PCDHGA5: variants seen among roughly 807,000 people sequenced by gnomAD.
PCDHGA5 encodes protocadherin gamma-A5.
PCDHGA5 carries 36 observed loss-of-function variants against 56.7 expected under a neutral mutation model. The observed-to-expected ratio is 0.64, with a 90% CI of 0.49 to 0.84. PCDHGA5 has a LOEUF of 0.84. PCDHGA5 is among the 40% of genes least tolerant of loss of function. The pLI is 0.00. For missense variants in PCDHGA5, 1,305 were observed against 1,201.5 expected, an observed-to-expected ratio of 1.09 and a Z score of -1.27; for synonymous variants, 563 against 520.2, an observed-to-expected ratio of 1.08 and a Z score of -1.12.
At chr5:141,451,004 T>A (rs2098704048) in intron 1 of PCDHGA5, among the ~76,000 whole-genome samples, 1 of 151,474 alleles carries the variant, frequency 6.6e-6, no homozygotes, top group South Asian at 2.1e-4. Flanking sequence ...TTTTTGTATT[T>A]TTTTTAGTAG....
chr5:141,446,692 G>T (rs543476108), intron 1 of PCDHGA5, among the ~76,000 whole-genome samples: 2 of 152,280 alleles, frequency 1.3e-5, no homozygotes, highest in African/African-American at 4.8e-5. Context: ...TGGCCAGGCT[G>T]GTCTCGAACT....
rs780395794 is a variant in PCDHGA5, at chr5:141,489,685, G to A, written c.2422-5122G>A. ...GCGCATCTCAGAATCAGCAGCATCT[G>A]GGGCACGATTCCCACTGGACAGTGC... On this transcript the variant is annotated intron_variant, in intron 1 of 3. Coordinates refer to ENST00000518069, the MANE Select transcript of PCDHGA5 (RefSeq NM_018918.3). The surrounding 1 kb of genome is among the most constrained non-coding windows in gnomAD (Gnocchi z 4.5). 10 of 1,614,142 alleles carry A rather than the reference G, an allele frequency of 6.2e-6. No individual in the cohort carries two copies. The South Asian group carries it at 1.1e-4, about 18-fold the overall frequency.
chr5:141,428,031 G>A (rs760882803), intron 1 of PCDHGA5: 6 of 1,607,376 alleles, frequency 3.7e-6, no homozygotes, highest in South Asian at 3.3e-5. Context: ...CGCAGAGTCC[G>A]GCTACCTGGT....
rs747179611 is a variant in PCDHGA5 at position 141,476,473 on chromosome 5, C to T, written c.2422-18334C>T. ...TAGTGGAGAACCCGCTGGAGCTGTT[C>T]AGCGTGGAAGTGGTGATCCAGGACA... On this transcript the variant is annotated intron_variant, in intron 1 of 3. Coordinates refer to ENST00000518069, the MANE Select transcript of PCDHGA5 (RefSeq NM_018918.3). The surrounding 1 kb of genome is among the most constrained non-coding windows in gnomAD (Gnocchi z 7.6). 3.1e-6 allele frequency: 5 copies of T among 1,613,888 alleles called. No homozygotes were observed. The highest frequency in any genetic ancestry group is 3.3e-5 in the Admixed American group (2 of 59,984).
intron 1 of PCDHGA5, chr5:141,478,834 A>G: frequency 7.0e-7 from 1 of 1,427,896 alleles, no homozygotes; most frequent in Non-Finnish European, 9.2e-7. Context: ...TTGCTAAGGG[A>G]TGGTTAAGCT....
rs754034325 is a variant in PCDHGA5 at position 141,413,380 on chromosome 5, C to T, written c.2421+46629C>T. On this transcript the variant is annotated intron_variant, in intron 1 of 3. Coordinates refer to ENST00000518069, the MANE Select transcript of PCDHGA5 (RefSeq NM_018918.3). ...CCGGGAGCTGGCGGAGCGCGGAGTC[C>T]GCATAGTCTCCAGAGGTAGGACGCA... is the stretch of plus-strand genomic sequence containing the variant. 4 of 1,613,962 alleles carry T rather than the reference C, an allele frequency of 2.5e-6. No individual in the cohort carries two copies. In the Middle Eastern group the frequency reaches 5.0e-4, roughly 200 times the overall value.
chr5:141,495,107 A>G (rs559621284), intron 2 of PCDHGA5, among the ~76,000 whole-genome samples: 1 of 152,166 alleles, frequency 6.6e-6, no homozygotes, highest in East Asian at 1.9e-4. Flanking sequence ...CACGACCGGC[A>G]CCTTTTCCTA....
rs923900490 is a variant in PCDHGA5, at chr5:141,383,761, C to T, written c.2421+17010C>T. 6 of 1,613,834 alleles carry T rather than the reference C, an allele frequency of 3.7e-6. No individual in the cohort carries two copies. The Admixed American group carries it at 1.0e-4, about 27-fold the overall frequency. Reference sequence around the variant, plus strand: ...TTCTTTTCGGAAAATAACTCCTAAACTTCCAAAGATGTTTCATCTGAACTC... The same window carrying T: ...TTCTTTTCGGAAAATAACTCCTAAATTTCCAAAGATGTTTCATCTGAACTC... On this transcript the variant is annotated intron_variant, in intron 1 of 3. Coordinates refer to ENST00000518069, the MANE Select transcript of PCDHGA5 (RefSeq NM_018918.3).
chr5:141,421,379 AGGACCTGGGGCT>A, intron 1 of PCDHGA5: 1 of 1,614,054 alleles, frequency 6.2e-7, no homozygotes, highest in South Asian at 1.1e-5. Context: ...AATATCTCCA[AGGACCTGGGGCT>A]GGAGCCCCGG....
chr5:141,365,727 C>A lies in PCDHGA5; in HGVS notation c.1397C>A (p.Pro466His), dbSNP rs2149880807. ...TCCACCTCTGTCACAGAAAACAATC[C>A]CAGAGGTGTCTCTATCTTCTCTGTG... Reference protein sequence around the residue: ...SYSTSVTENNPRGVSIFSVTA... With the variant: ...SYSTSVTENNHRGVSIFSVTA... Residue 466 changes from proline to histidine, a missense_variant, in exon 1 of 4, where the codon CCC becomes CAC. Transcript: ENST00000518069. 1 of 1,613,786 alleles carries A rather than the reference C, an allele frequency of 6.2e-7. No individual in the cohort carries two copies. The highest frequency in any genetic ancestry group is 8.5e-7 in the Non-Finnish European group (1 of 1,179,884).
chr5:141,487,905 G>C lies in PCDHGA5; in HGVS notation c.2422-6902G>C. The C allele has an allele frequency of 1.5e-6, 1 of 686,388 alleles. No individual in the cohort carries two copies. 42.5% of individuals were successfully genotyped at this position (686,388 alleles called of 1,614,324 possible). On this transcript the variant is annotated intron_variant, in intron 1 of 3. Transcript: ENST00000518069. This position sits in a 1 kb window ranked among gnomAD's most constrained non-coding sequence, Gnocchi z 5.0. ...GTGGAAGCATGATGATGGAATGTGG[G>C]AGCACAGGAGGCTACAGTGCACAGG...
At chr5:141,510,677 A>G (rs2099882239) in intron 3 of PCDHGA5, among the ~76,000 whole-genome samples, 2 of 152,212 alleles carry the variant, frequency 1.3e-5, no homozygotes, top group African/African-American at 4.8e-5. Context: ...CTGAAGTGGC[A>G]TAAGGAGGTT....
At chr5:141,502,946 C>T (rs900624216) in intron 2 of PCDHGA5, among the ~76,000 whole-genome samples, 13 of 145,572 alleles carry the variant, frequency 8.9e-5, no homozygotes, top group African/African-American at 2.6e-4. Flanking sequence ...TGGGTTCAAG[C>T]GATTCTCCTG....
chr5:141,402,825 A>G, intron 1 of PCDHGA5: 1 of 1,320,620 alleles, frequency 7.6e-7, no homozygotes, highest in Non-Finnish European at 1.0e-6. Flanking sequence ...ACCTGCTCCC[A>G]GGCTGCAGCA....
intron 1 of PCDHGA5, chr5:141,374,782 A>C (rs781674966): frequency 5.6e-6 from 9 of 1,613,904 alleles, no homozygotes; most frequent in Non-Finnish European, 7.6e-6. Flanking sequence ...TAACAGTTCT[A>C]GATGTGAATG....
chr5:141,493,694 G>A lies in PCDHGA5; in HGVS notation c.2422-1113G>A, dbSNP rs929897875. On this transcript the variant is annotated intron_variant, in intron 1 of 3. Transcript: ENST00000518069. This position sits in a 1 kb window ranked among gnomAD's most constrained non-coding sequence, Gnocchi z 4.3. ...CCCCAGAATGGTGCTGGTGACTCCC[G>A]ATACACCTGGAATGCTAGGTTTCTG... Among the ~76,000 whole-genome samples the A allele has an allele frequency of 5.9e-5, 9 of 152,130 alleles. No individual in the cohort carries two copies. Among genetic ancestry groups the A allele is most frequent in the African/African-American group, 9.7e-5 (4 of 41,404 alleles).
Position 141,432,938 on chromosome 5 carries a change from G to C in PCDHGA5, c.2422-61869G>C. ...CTGGCACAAGTCACGCCTGCTGCAG[G>C]CTTCAGGAGGCGGCTTGACAGGAGC... On this transcript the variant is annotated intron_variant, in intron 1 of 3. Transcript: ENST00000518069. The surrounding 1 kb of genome is among the most constrained non-coding windows in gnomAD (Gnocchi z 6.0). 2 of 1,614,192 alleles carry C rather than the reference G, an allele frequency of 1.2e-6. No homozygotes were observed. Among genetic ancestry groups the C allele is most frequent in the South Asian group, 2.2e-5 (2 of 91,086 alleles).
At chr5:141,385,921 T>C (rs1283836532) in intron 1 of PCDHGA5, 1 of 152,286 alleles carries the variant, frequency 6.6e-6, no homozygotes. Context: ...CTAAGATCTA[T>C]ATCAAAGACA....
At chr5:141,450,995 T>G (rs983544118) in intron 1 of PCDHGA5, among the ~76,000 whole-genome samples, 3 of 151,510 alleles carry the variant, frequency 2.0e-5, no homozygotes, top group Non-Finnish European at 4.4e-5. Context: ...CGGCTAATTT[T>G]TTTGTATTTT....
Sources: allele counts gnomAD v4.1 joint callset (sites outside exome capture counted in the v4.1 genomes callset), GRCh38; gene constraint gnomAD v4.1.1; non-coding constraint Gnocchi (gnomAD v3.1); transcripts MANE v1.5; gene names NCBI Gene and HGNC (gene_info 2026-07-23, HGNC 2026-07-21).